Variants in RBM26 observed in about 807,000 individuals in gnomAD.
RBM26 encodes RNA binding motif protein 26.
Under a neutral mutation model 123.6 loss-of-function variants are expected in RBM26, and 30 were observed. The observed-to-expected ratio is 0.24, with a 90% CI of 0.18 to 0.33. The LOEUF is 0.33. Ranked by LOEUF, RBM26 falls within the 10% of genes least tolerant of loss-of-function variation. The probability of loss-of-function intolerance (pLI) is 1.00; values close to 1 mark genes in which losing one functional copy is unlikely to be tolerated. For synonymous variants in RBM26, 400 were observed against 404.4 expected (o/e 0.99, Z 0.13); for missense variants, 947 against 1,203.6 (o/e 0.79, Z 3.15).
intron 9 of RBM26, among the ~76,000 whole-genome samples, chr13:79,361,463 A>G (rs931802590): frequency 2.6e-5 from 4 of 152,114 alleles, no homozygotes; most frequent in African/African-American, 9.7e-5. Context: ...CACACTTACT[A>G]ACTTTGCTTC....
chr13:79,351,363 T>C (rs1414495349), intron 14 of RBM26, among the ~76,000 whole-genome samples: 1 of 152,192 alleles, frequency 6.6e-6, no homozygotes, highest in Non-Finnish European at 1.5e-5. Context: ...ATACATTATG[T>C]AATAATCAAA....
chr13:79,354,294 A>G (rs1426350891), intron 13 of RBM26, 145 bp downstream of exon 13: 7 of 605,180 alleles, frequency 1.2e-5, no homozygotes, highest in Non-Finnish European at 9.7e-6. Context: ...AAAAAAAAAA[A>G]ACAACCTTAT....
chr13:79,391,022 TTA>T (rs2077927803), intron 1 of RBM26, among the ~76,000 whole-genome samples: 1 of 152,220 alleles, frequency 6.6e-6, no homozygotes, highest in Non-Finnish European at 1.5e-5. Context: ...CAGTCAAGTT[TTA>T]TAGAGATAAC....
intron 3 of RBM26, among the ~76,000 whole-genome samples, chr13:79,372,359 C>T (rs899705617): frequency 4.6e-5 from 7 of 152,140 alleles, no homozygotes; most frequent in South Asian, 2.1e-4. Flanking sequence ...ATTTAATTAA[C>T]ATTAAATAAA....
chr13:79,337,404 A>G, intron 18 of RBM26, 102 bp from the exon 19 acceptor site: 1 of 1,255,548 alleles, frequency 8.0e-7, no homozygotes. Context: ...CAATTTGACA[A>G]TGTATTCAAA....
chr13:79,348,457 T>C (rs2072684351), intron 14 of RBM26, among the ~76,000 whole-genome samples: 1 of 152,032 alleles, frequency 6.6e-6, no homozygotes, highest in South Asian at 2.1e-4. Flanking sequence ...TAGATAAGAA[T>C]GGAAGGGAAA....
intron 3 of RBM26, among the ~76,000 whole-genome samples, chr13:79,372,794 T>TTATATGATATATATTATATATTATA (rs10635224): frequency 3.1e-5 from 2 of 64,968 alleles, no homozygotes; most frequent in African/African-American, 2.0e-4. Context: ...ATGATATATA[T>TTATATGATATATATTATATATTATA]TATAATTATA....
intron 20 of RBM26, among the ~76,000 whole-genome samples, chr13:79,327,761 T>A (rs1160199376): frequency 6.6e-6 from 1 of 152,082 alleles, no homozygotes; most frequent in Admixed American, 6.6e-5. Context: ...ATGTTGTCTA[T>A]ATAAAGAAAC....
chr13:79,391,804 C>G (rs1028761483), intron 1 of RBM26, among the ~76,000 whole-genome samples: 1 of 151,678 alleles, frequency 6.6e-6, no homozygotes, highest in Non-Finnish European at 1.5e-5. Context: ...AGTTGCAGAT[C>G]ATATCACAAT....
At chr13:79,386,402 A>G (rs2077481689) in intron 1 of RBM26, among the ~76,000 whole-genome samples, 1 of 145,910 alleles carries the variant, frequency 6.9e-6, no homozygotes, top group African/African-American at 2.4e-5. Flanking sequence ...GAAGTTACAT[A>G]ACTTCTAAAT....
chr13:79,326,649 T>C (rs2138562963), intron 20 of RBM26, among the ~76,000 whole-genome samples: 1 of 152,266 alleles, frequency 6.6e-6, no homozygotes, highest in South Asian at 2.1e-4. Context: ...ATTTAATCAT[T>C]AGATACTGAT....
chr13:79,381,528 G>A (rs2077070112), intron 1 of RBM26, among the ~76,000 whole-genome samples: 1 of 151,766 alleles, frequency 6.6e-6, no homozygotes, highest in Non-Finnish European at 1.5e-5. Context: ...TGATTGTTGT[G>A]GTGAATTTTT....
At chr13:79,313,652 A>C (rs531597541) in exon 5 of RBM26, 6 of 151,906 alleles carry the variant, frequency 3.9e-5, no homozygotes, top group African/African-American at 1.2e-4. Flanking sequence ...ACAACAAAAA[A>C]AGGCCTTGTA....
In RBM26 at chr13:79,378,924, A is replaced by G. The variant is rs771788228; in HGVS notation, c.72-17T>C. On this transcript the variant is annotated splice_polypyrimidine_tract_variant and intron_variant, in intron 1 of 21. Coordinates refer to ENST00000438737, the MANE Select transcript of RBM26 (RefSeq NM_001366735.2). ...GCATCACAGCTAAAGAAAAAAACCA[A>G]TGTTGAAGAAAATTTAGCCAACTGC... The G allele has an allele frequency of 6.7e-6, 10 of 1,493,596 alleles. No individual in the cohort carries two copies. Among genetic ancestry groups the G allele is most frequent in the South Asian group, 2.4e-5 (2 of 84,514 alleles). The allele number at this position is 1,493,596 out of a possible 1,614,324, so 92.5% of individuals were successfully genotyped here.
In RBM26 at chr13:79,359,804, AT is replaced by A. The variant is rs1219746201; in HGVS notation, c.1418-119del. On this transcript the variant is annotated intron_variant, in intron 9 of 21. Transcript: ENST00000438737. ...CTTTTGTCTAAATATATATATATATATATAATTTTTTTTTTAGAAGAAATAG... is the reference window on the plus strand; with the variant it reads ...CTTTTGTCTAAATATATATATATATAATAATTTTTTTTTTAGAAGAAATAG... 2.9e-3 allele frequency: 517 copies of A among 178,012 alleles called. 2 individuals carry two copies. The highest frequency in any genetic ancestry group is 6.6e-3 in the Middle Eastern group (3 of 454). 11.0% of individuals were successfully genotyped at this position (178,012 alleles called of 1,614,324 possible).
At chr13:79,343,339 AAAC>A (rs970509286) in intron 16 of RBM26, among the ~76,000 whole-genome samples, 27 of 152,006 alleles carry the variant, frequency 1.8e-4, no homozygotes, top group Admixed American at 4.6e-4. Context: ...CATGAACAGG[AAAC>A]AACAAGATAA....
chr13:79,376,518 T>A (rs1470256931), intron 3 of RBM26: 2 of 152,160 alleles, frequency 1.3e-5, no homozygotes, highest in African/African-American at 4.8e-5. Flanking sequence ...TATAATCTTT[T>A]AACATCAAAT....
intron 1 of RBM26, among the ~76,000 whole-genome samples, chr13:79,398,168 CTCAT>C (rs2078755622): frequency 6.6e-6 from 1 of 152,166 alleles, no homozygotes; most frequent in African/African-American, 2.4e-5. Flanking sequence ...ATTCATTTCT[CTCAT>C]TCATTCTTTT....
chr13:79,332,509 C>T (rs1479321645), intron 20 of RBM26, among the ~76,000 whole-genome samples: 3 of 152,110 alleles, frequency 2.0e-5, no homozygotes, highest in Non-Finnish European at 4.4e-5. Flanking sequence ...TTTTAAGAAA[C>T]TTTCTGGCTT....
Sources: allele counts gnomAD v4.1 joint callset (sites outside exome capture counted in the v4.1 genomes callset), GRCh38; gene constraint gnomAD v4.1.1; transcripts MANE v1.5; gene names NCBI Gene and HGNC (gene_info 2026-07-23, HGNC 2026-07-21).